Variants in SYCP1 observed in about 807,000 individuals in gnomAD.
SYCP1 encodes the protein cancer/testis antigen 8.
Under a neutral mutation model 153.1 loss-of-function variants are expected in SYCP1, and 64 were observed. The ratio of observed to expected loss-of-function variants is 0.42; its 90% CI spans 0.34 to 0.51. The LOEUF is 0.51. Among genes scored for constraint, SYCP1 ranks in the 20% least tolerant of loss-of-function variants. SYCP1 has a pLI of 0.06. For missense variants in SYCP1, 997 were observed against 1,049.0 expected (o/e 0.95, Z 0.68); for synonymous variants, 384 against 341.8 (o/e 1.12, Z -1.36).
chr1:114,958,331 C>T (rs1469885011), intron 27 of SYCP1, among the ~76,000 whole-genome samples: 1 of 151,834 alleles, frequency 6.6e-6, no homozygotes, highest in Non-Finnish European at 1.5e-5. Flanking sequence ...TTAATGGGTA[C>T]AAATATACAA....
chr1:114,858,153 A>G (rs906391220), intron 5 of SYCP1, among the ~76,000 whole-genome samples: 4 of 152,100 alleles, frequency 2.6e-5, no homozygotes, highest in Non-Finnish European at 4.4e-5. Flanking sequence ...TCTTGTCATT[A>G]TATTTTAAAC....
Position 114,910,513 on chromosome 1 carries a change from G to A in SYCP1, c.1425+12G>A, listed in dbSNP as rs1400065292. On this transcript the variant is annotated intron_variant, in intron 17 of 31. Coordinates refer to ENST00000369522, the MANE Select transcript of SYCP1 (RefSeq NM_003176.4). ...TCCAAGCCAGAGAGGTTTGTTTAAG[G>A]AAACATTTTTATTTTAAATATTTTG... 2 of 1,465,244 alleles carry A rather than the reference G, an allele frequency of 1.4e-6. No individual in the cohort carries two copies. Among genetic ancestry groups the A allele is most frequent in the African/African-American group, 1.5e-5 (1 of 68,954 alleles). The allele number at this position is 1,465,244 out of a possible 1,614,324, so 90.8% of individuals were successfully genotyped here. A position where few individuals can be genotyped will look rare whatever the true frequency, so the allele number is the denominator to read the frequency against.
chr1:114,927,368 T>C (rs1669326975), intron 23 of SYCP1, among the ~76,000 whole-genome samples: 1 of 151,990 alleles, frequency 6.6e-6, no homozygotes, highest in Admixed American at 6.6e-5. Flanking sequence ...AACAAAAATG[T>C]CAACCAATAG....
intron 8 of SYCP1, among the ~76,000 whole-genome samples, chr1:114,869,379 T>C (rs568189546): frequency 3.7e-4 from 57 of 152,342 alleles, no homozygotes; most frequent in Non-Finnish European, 7.5e-4. Flanking sequence ...TTTAATTCCA[T>C]TGTGATCTGA....
chr1:114,994,741 A>T lies in SYCP1; in HGVS notation c.2747A>T (p.Asn916Ile), dbSNP rs760806000. 5.3e-5 allele frequency: 85 copies of T among 1,592,786 alleles called. No homozygotes were observed. Among genetic ancestry groups the T allele is most frequent in the Non-Finnish European group, 6.9e-5 (81 of 1,173,262 alleles). ...GAGACATTGAAAACACTGTATAGGAACAATAATCCACCAGCTTCTCATCTT... is the reference window on the plus strand; with the variant it reads ...GAGACATTGAAAACACTGTATAGGATCAATAATCCACCAGCTTCTCATCTT... ...EEETLKTLYR[N>I]NNPPASHLCV... The change falls in exon 31 of 32, where the codon AAC becomes ATC. Residue 916 changes from asparagine to isoleucine, a missense_variant. Asn to Ile is a moderately radical substitution (Grantham distance 149). Around this residue, in one of 2 missense-constraint regions of SYCP1, gnomAD observed 712 missense variants for 682.9 expected, o/e 1.04. Transcript: ENST00000369522.
rs964079222 is a variant in SYCP1 at position 114,876,225 on chromosome 1, A to G, written c.727+87A>G. On this transcript the variant is annotated intron_variant, in intron 10 of 31. Coordinates refer to ENST00000369522, the MANE Select transcript of SYCP1 (RefSeq NM_003176.4). ...ATTCCGTTAATGTCTTCATCTCTTT[A>G]GCCTGATGCTCTGAACTATTTTCTA... is the stretch of plus-strand genomic sequence containing the variant. The G allele has an allele frequency of 6.2e-6, 5 of 812,246 alleles. No homozygotes were observed. In the African/African-American group the frequency reaches 7.1e-5, roughly 12 times the overall value. The allele number at this position is 812,246 out of a possible 1,614,324, so 50.3% of individuals were successfully genotyped here.
chr1:114,866,596 A>G (rs1664763950), intron 8 of SYCP1, among the ~76,000 whole-genome samples: 1 of 152,142 alleles, frequency 6.6e-6, no homozygotes, highest in African/African-American at 2.4e-5. Context: ...GAGTCTTTGT[A>G]TATTATAGAA....
In SYCP1 at chr1:114,899,902, A is replaced by G. The variant is rs146469242; in HGVS notation, c.1320+4393A>G. On this transcript the variant is annotated intron_variant, in intron 16 of 31. Transcript: ENST00000369522. ...TGGCGTCAGGAAAGGCAATTTTGAA[A>G]CTGAAGTTTGATTTTGGGAAGCCTG... Among the ~76,000 whole-genome samples the G allele has an allele frequency of 1.6e-3, 250 of 152,292 alleles. 2 individuals are homozygous for G. Among genetic ancestry groups the G allele is most frequent in the African/African-American group, 5.7e-3 (237 of 41,544 alleles).
At chr1:114,884,644 T>C (rs183183895) in intron 12 of SYCP1, among the ~76,000 whole-genome samples, 1 of 152,336 alleles carries the variant, frequency 6.6e-6, no homozygotes, top group Admixed American at 6.5e-5. Flanking sequence ...ATAGCAGTTA[T>C]CATTTATTGA....
intron 8 of SYCP1, among the ~76,000 whole-genome samples, chr1:114,873,479 A>G (rs145184967): frequency 2.6e-5 from 4 of 152,116 alleles, no homozygotes; most frequent in African/African-American, 9.6e-5. Flanking sequence ...GGAGTTGGAT[A>G]TTTTCCTTAC....
intron 30 of SYCP1, among the ~76,000 whole-genome samples, chr1:114,988,913 G>T (rs1447735914): frequency 6.6e-6 from 1 of 152,002 alleles, no homozygotes; most frequent in African/African-American, 2.4e-5. Flanking sequence ...TGGGCACAGT[G>T]GCTCACACCT....
intron 16 of SYCP1, among the ~76,000 whole-genome samples, chr1:114,896,851 C>T (rs572652663): frequency 2.0e-5 from 3 of 152,200 alleles, no homozygotes; most frequent in East Asian, 1.9e-4. Flanking sequence ...AGATTAGGCT[C>T]GCAGACATTT....
intron 27 of SYCP1, among the ~76,000 whole-genome samples, chr1:114,950,624 T>C (rs1305998587): frequency 6.6e-6 from 1 of 152,112 alleles, no homozygotes; most frequent in Non-Finnish European, 1.5e-5. Context: ...ATGTCCACTT[T>C]TATTGCATTG....
At chr1:114,984,465 C>T (rs1673369594) in intron 29 of SYCP1, among the ~76,000 whole-genome samples, 1 of 151,950 alleles carries the variant, frequency 6.6e-6, no homozygotes, top group African/African-American at 2.4e-5. Context: ...CACTCTTTCT[C>T]TTTCTTATTT....
chr1:114,977,710 A>G, intron 28 of SYCP1, 94 bp downstream of exon 28: 2 of 731,998 alleles, frequency 2.7e-6, no homozygotes, highest in Non-Finnish European at 4.3e-6. Flanking sequence ...GGAAAATAAC[A>G]TTTTACATAT....
intron 14 of SYCP1, 149 bp downstream of exon 14, chr1:114,886,458 A>G (rs1666314550): frequency 1.7e-6 from 1 of 593,862 alleles, no homozygotes; most frequent in Non-Finnish European, 2.6e-6. Context: ...GTGGGAATAC[A>G]TTTTAAAAGT....
Position 114,856,641 on chromosome 1 carries a change from G to A in SYCP1, c.177G>A (p.Gly59=). Residue 59 remains glycine, a synonymous_variant, in exon 3 of 32, where the codon GGG becomes GGA. Transcript: ENST00000369522. ...CAAAGACTAATCTCTCCAAAAATGG[G>A]GAAAACATTGATTCAGGTAGGAGCA... ...PFAKTNLSKN[G]ENIDSDPALQ... is the part of the protein sequence containing the mutation. 1 of 1,611,366 alleles carries A rather than the reference G, an allele frequency of 6.2e-7. No individual in the cohort carries two copies. The highest frequency in any genetic ancestry group is 8.5e-7 in the Non-Finnish European group (1 of 1,178,850).
intron 23 of SYCP1, among the ~76,000 whole-genome samples, chr1:114,929,069 A>T (rs1669452703): frequency 1.3e-5 from 2 of 152,136 alleles, no homozygotes; most frequent in South Asian, 4.1e-4. Context: ...TCCTTTTTAC[A>T]ACGTGACACT....
intron 30 of SYCP1, among the ~76,000 whole-genome samples, chr1:114,989,825 C>T (rs72695851): frequency 0.023 from 3,506 of 151,954 alleles, 56 homozygotes; most frequent in South Asian, 0.034. Context: ...AACATGTCCA[C>T]GCCTAATAAC....
Sources: allele counts gnomAD v4.1 joint callset (sites outside exome capture counted in the v4.1 genomes callset), GRCh38; gene constraint gnomAD v4.1.1; regional missense constraint gnomAD v4.1.1; transcripts MANE v1.5; gene names NCBI Gene and HGNC (gene_info 2026-07-23, HGNC 2026-07-21).